Variants in SYT16 observed in about 807,000 individuals in gnomAD.
The protein encoded by SYT16 is synaptotagmin-16.
SYT16 carries 42 observed loss-of-function variants against 61.4 expected under a neutral mutation model. The ratio of observed to expected loss-of-function variants is 0.68; its 90% CI spans 0.53 to 0.89. The LOEUF (loss-of-function observed/expected upper bound fraction) is 0.89. SYT16 is among the 40% of genes least tolerant of loss of function. The pLI is 0.00. For missense variants in SYT16, 804 were observed against 807.3 expected, an observed-to-expected ratio of 1.00 and a Z score of 0.05; for synonymous variants, 314 against 302.3, an observed-to-expected ratio of 1.04 and a Z score of -0.40.
At chr14:61,863,620 A>C (rs969601801) in intron 1 of SYT16, among the ~76,000 whole-genome samples, 19 of 152,242 alleles carry the variant, frequency 1.2e-4, no homozygotes, top group Non-Finnish European at 2.8e-4. Flanking sequence ...ATTTTAATAA[A>C]GTCCAACTTA....
At position 61,820,400 on chromosome 14, in the gene SYT16, A is replaced by C. The variant is rs146935749; in HGVS notation, c.-325+7590A>C. Among the ~76,000 whole-genome samples the C allele has an allele frequency of 2.3e-3, 314 of 134,186 alleles. 1 individual carries two copies. Among genetic ancestry groups the C allele is most frequent in the African/African-American group, 8.6e-3 (302 of 35,080 alleles). 88.0% of individuals were successfully genotyped at this position (134,186 alleles called of 152,430 possible). A position where few individuals can be genotyped will look rare whatever the true frequency, so the allele number is the denominator to read the frequency against. Reference sequence around the variant, plus strand: ...GCGATCTCTCTGGGCTTCGTGGCCTACCCCTCTCAGGAATGACTGATGGAT... The same window carrying C: ...GCGATCTCTCTGGGCTTCGTGGCCTCCCCCTCTCAGGAATGACTGATGGAT... On this transcript the variant is annotated intron_variant, in intron 1 of 7. Coordinates refer to ENST00000683842, the MANE Select transcript of SYT16 (RefSeq NM_001367656.1).
chr14:61,874,331 A>T (rs1594802692), intron 1 of SYT16, among the ~76,000 whole-genome samples: 1 of 152,206 alleles, frequency 6.6e-6, no homozygotes, highest in East Asian at 1.9e-4. Flanking sequence ...CCTACCAGAC[A>T]GCATTTGCGG....
chr14:62,092,288 T>G (rs1043212982), intron 7 of SYT16, among the ~76,000 whole-genome samples: 2 of 151,544 alleles, frequency 1.3e-5, no homozygotes, highest in East Asian at 3.9e-4. Context: ...GGTAGGAATG[T>G]AAAATGGTAC....
chr14:62,010,170 A>G (rs1595145242), intron 3 of SYT16, among the ~76,000 whole-genome samples: 1 of 152,232 alleles, frequency 6.6e-6, no homozygotes, highest in South Asian at 2.1e-4. Flanking sequence ...CTGCAGGTAA[A>G]CTGCCACTTT....
At chr14:61,916,190 G>T (rs1594906104) in intron 1 of SYT16, among the ~76,000 whole-genome samples, 1 of 152,178 alleles carries the variant, frequency 6.6e-6, no homozygotes, top group Non-Finnish European at 1.5e-5. Context: ...TTGAAATTTA[G>T]CTTTGAGCAG....
intron 2 of SYT16, among the ~76,000 whole-genome samples, chr14:61,985,908 C>T (rs561454952): frequency 6.6e-6 from 1 of 152,088 alleles, no homozygotes; most frequent in Non-Finnish European, 1.5e-5. Flanking sequence ...TGTGTATTGG[C>T]TACCAACAGT....
At chr14:61,963,441 A>G (rs891873145) in intron 1 of SYT16, among the ~76,000 whole-genome samples, 5 of 152,188 alleles carry the variant, frequency 3.3e-5, no homozygotes, top group African/African-American at 1.2e-4. Flanking sequence ...GTCTATATAG[A>G]AAATCAAACC....
chr14:61,834,234 A>T (rs1181373682), intron 1 of SYT16, among the ~76,000 whole-genome samples: 1 of 151,240 alleles, frequency 6.6e-6, no homozygotes, highest in East Asian at 1.9e-4. Flanking sequence ...AGGTTCAAGC[A>T]ATTCTCCTGC....
In SYT16 at chr14:62,043,925, G is replaced by A. The variant is rs530912578; in HGVS notation, c.524-25678G>A. ...TGGCCTCAAGCAATCCTCCTACCTC[G>A]GCCTCTCAAAGTGCTGGGATTACAG... On this transcript the variant is annotated intron_variant, in intron 3 of 7. Coordinates refer to ENST00000683842, the MANE Select transcript of SYT16 (RefSeq NM_001367656.1). Among the ~76,000 whole-genome samples the A allele has an allele frequency of 7.2e-5, 11 of 151,978 alleles. No individual in the cohort carries two copies. In the South Asian group the frequency reaches 8.3e-4, roughly 12 times the overall value.
At chr14:62,060,063 C>G (rs184451010) in intron 3 of SYT16, among the ~76,000 whole-genome samples, 239 of 152,160 alleles carry the variant, frequency 1.6e-3, no homozygotes, top group African/African-American at 5.7e-3. Context: ...GGTCCCCCTA[C>G]TTTGCTCTTC....
chr14:62,011,580 C>A (rs548542991), intron 3 of SYT16, among the ~76,000 whole-genome samples: 2 of 151,902 alleles, frequency 1.3e-5, no homozygotes, highest in Non-Finnish European at 2.9e-5. Flanking sequence ...GAGAGCTTTT[C>A]CAGAAACTAC....
intron 1 of SYT16, among the ~76,000 whole-genome samples, chr14:61,968,996 T>G (rs951052853): frequency 6.6e-5 from 10 of 152,218 alleles, no homozygotes; most frequent in Admixed American, 2.0e-4. Context: ...ACTAGGTTGA[T>G]TCAGTAAGGC....
chr14:61,947,965 G>C (rs1036719824), intron 1 of SYT16, among the ~76,000 whole-genome samples: 1 of 152,182 alleles, frequency 6.6e-6, no homozygotes, highest in African/African-American at 2.4e-5. Flanking sequence ...CAAAAGTTTG[G>C]AAGTACTTGG....
intron 2 of SYT16, among the ~76,000 whole-genome samples, chr14:61,991,146 T>C (rs1182508566): frequency 6.6e-6 from 1 of 152,100 alleles, no homozygotes; most frequent in Non-Finnish European, 1.5e-5. Context: ...GAAGCTTGTA[T>C]GGTAAACACA....
chr14:62,052,926 T>G (rs888761853), intron 3 of SYT16, among the ~76,000 whole-genome samples: 7 of 152,362 alleles, frequency 4.6e-5, no homozygotes, highest in Non-Finnish European at 1.0e-4. Context: ...TCTGTGATAC[T>G]TTTTTATAGC....
chr14:62,053,243 A>G (rs1443815005), intron 3 of SYT16, among the ~76,000 whole-genome samples: 1 of 152,220 alleles, frequency 6.6e-6, no homozygotes, highest in Non-Finnish European at 1.5e-5. Flanking sequence ...GGAAATGAAA[A>G]AGACGTTTTT....
chr14:61,919,996 A>G (rs1050008717), intron 1 of SYT16, among the ~76,000 whole-genome samples: 20 of 152,102 alleles, frequency 1.3e-4, no homozygotes, highest in African/African-American at 4.6e-4. Context: ...TCATCTCCCC[A>G]CTGCCTCTCA....
At chr14:61,942,308 C>T (rs2140453212) in intron 1 of SYT16, among the ~76,000 whole-genome samples, 1 of 152,274 alleles carries the variant, frequency 6.6e-6, no homozygotes, top group Non-Finnish European at 1.5e-5. Flanking sequence ...ACTTATTAAG[C>T]TTCTTGAAGT....
At chr14:61,838,220 G>A (rs747179221) in intron 1 of SYT16, among the ~76,000 whole-genome samples, 1 of 152,080 alleles carries the variant, frequency 6.6e-6, no homozygotes, top group African/African-American at 2.4e-5. Flanking sequence ...CCTGACTGGT[G>A]GGAAAATTAA....
Sources: gnomAD v4.1 joint callset for allele counts (sites outside exome capture counted in the v4.1 genomes callset) on GRCh38, gnomAD v4.1.1 for gene constraint, MANE v1.5 for transcripts, NCBI Gene and HGNC (gene_info 2026-07-23, HGNC 2026-07-21) for gene names.